The following KLRG1 variants were observed in gnomAD, a reference collection of about 807,000 sequenced individuals.
KLRG1 encodes killer cell lectin-like receptor subfamily G member 1.
KLRG1 carries 16 observed loss-of-function variants against 21.8 expected under a neutral mutation model. The observed-to-expected ratio is 0.73, with a 90% CI of 0.50 to 1.11. KLRG1 has a LOEUF of 1.11. KLRG1 is among the 50% of genes most tolerant of loss of function. The pLI, the probability that KLRG1 is intolerant of heterozygous loss-of-function variation, is 0.00. For missense variants in KLRG1, 173 were observed against 218.3 expected (o/e 0.79, Z 1.31); for synonymous variants, 69 against 75.9 (o/e 0.91, Z 0.47).
the KLRG1 span, among the ~76,000 whole-genome samples, chr12:9,177,221 T>G: frequency 6.6e-6 from 1 of 152,212 alleles, no homozygotes; most frequent in Non-Finnish European, 1.5e-5. Context: ...AGTTTAGCAC[T>G]CTTGGAACGC....
At chr12:9,003,809 C>T (rs1403665841) in intron 3 of KLRG1, among the ~76,000 whole-genome samples, 3 of 151,784 alleles carry the variant, frequency 2.0e-5, no homozygotes, top group African/African-American at 4.8e-5. Context: ...CCCATTAACT[C>T]GTTATTTAGC....
At chr12:9,202,700 T>A in the KLRG1 span, 12 of 1,610,880 alleles carry the variant, frequency 7.4e-6, no homozygotes, top group Non-Finnish European at 1.0e-5. Flanking sequence ...AAGCAAAGGA[T>A]TTTTTACTAC....
intron 1 of KLRG1, among the ~76,000 whole-genome samples, chr12:8,958,594 C>A (rs779552815): frequency 1.3e-5 from 2 of 150,520 alleles, no homozygotes; most frequent in Admixed American, 6.6e-5. Flanking sequence ...TAGTGGCTCA[C>A]GTGTGTAATC....
At chr12:9,101,256 C>T in the KLRG1 span, 2 of 1,523,478 alleles carry the variant, frequency 1.3e-6, no homozygotes, top group East Asian at 4.9e-5. Flanking sequence ...AGAGAACACG[C>T]TTCAGTCTCA....
At chr12:9,187,041 A>G in the KLRG1 span, among the ~76,000 whole-genome samples, 1 of 148,694 alleles carries the variant, frequency 6.7e-6, no homozygotes, top group African/African-American at 2.5e-5. Context: ...TTGCAATACT[A>G]ATTTCAGACA....
the KLRG1 span, among the ~76,000 whole-genome samples, chr12:9,020,340 G>C: frequency 5.3e-5 from 8 of 152,240 alleles, no homozygotes; most frequent in South Asian, 1.7e-3. Flanking sequence ...ACAATCAGCA[G>C]AGTGAATATA....
At chr12:9,183,704 A>T in the KLRG1 span, among the ~76,000 whole-genome samples, 1 of 152,196 alleles carries the variant, frequency 6.6e-6, no homozygotes, top group Non-Finnish European at 1.5e-5. Context: ...TTACTTTTTT[A>T]AAATGATTAT....
the KLRG1 span, among the ~76,000 whole-genome samples, chr12:9,202,869 C>A: frequency 1.3e-5 from 2 of 152,062 alleles, no homozygotes; most frequent in Non-Finnish European, 1.5e-5. Context: ...GTAAGAGTGG[C>A]CATCAATAGA....
the KLRG1 span, among the ~76,000 whole-genome samples, chr12:9,096,710 G>GGTGTGA: frequency 6.6e-6 from 1 of 152,172 alleles, no homozygotes; most frequent in Non-Finnish European, 1.5e-5. Context: ...CAAAGTGAGT[G>GGTGTGA]GTGTGATGAA....
At chr12:9,158,933 A>C in the KLRG1 span, among the ~76,000 whole-genome samples, 1 of 151,590 alleles carries the variant, frequency 6.6e-6, no homozygotes, top group Non-Finnish European at 1.5e-5. Flanking sequence ...CCTTTCCTAG[A>C]TTTCTTAGCT....
At chr12:9,009,354 A>T in intron 4 of KLRG1, 72 bp from the exon 5 acceptor site, 2 of 1,567,844 alleles carry the variant, frequency 1.3e-6, no homozygotes, top group Non-Finnish European at 1.7e-6. Context: ...CTTCATTTTT[A>T]TCCCTTCATG....
At chr12:9,089,267 A>G in the KLRG1 span, 27 of 1,562,452 alleles carry the variant, frequency 1.7e-5, no homozygotes, top group South Asian at 3.5e-5. Context: ...GGTAAAAGAA[A>G]GAAAAGCTAG....
At chr12:9,120,587 G>A in the KLRG1 span, among the ~76,000 whole-genome samples, 10 of 152,082 alleles carry the variant, frequency 6.6e-5, no homozygotes, top group African/African-American at 1.4e-4. Context: ...TACAGTTAGC[G>A]CACATTGTCC....
chr12:9,066,783 C>A, the KLRG1 span: 3 of 152,176 alleles, frequency 2.0e-5, no homozygotes, highest in Non-Finnish European at 4.4e-5. Flanking sequence ...AAAGTCTTTT[C>A]CAGTTCTTAG....
At chr12:9,145,923 C>G in the KLRG1 span, among the ~76,000 whole-genome samples, 3 of 152,142 alleles carry the variant, frequency 2.0e-5, no homozygotes. Context: ...TATCAGGCAT[C>G]TTGTCTATCT....
At chr12:9,083,581 A>G in the KLRG1 span, among the ~76,000 whole-genome samples, 1 of 152,024 alleles carries the variant, frequency 6.6e-6, no homozygotes, top group African/African-American at 2.4e-5. Flanking sequence ...AAGATAGAGT[A>G]TTTGGAATTA....
chr12:9,073,710 C>T, the KLRG1 span, among the ~76,000 whole-genome samples: 2 of 152,142 alleles, frequency 1.3e-5, no homozygotes, highest in African/African-American at 2.4e-5. Flanking sequence ...TGTTCAGATA[C>T]ATGGTTATAT....
chr12:8,963,873 G>A (rs1455640193), intron 1 of KLRG1, among the ~76,000 whole-genome samples: 1 of 152,144 alleles, frequency 6.6e-6, no homozygotes, highest in Non-Finnish European at 1.5e-5. Flanking sequence ...TGTGGGGTCA[G>A]TGGTGATATC....
upstream of KLRG1, among the ~76,000 whole-genome samples, chr12:8,985,940 A>G (rs1946836401): frequency 6.6e-6 from 1 of 152,162 alleles, no homozygotes; most frequent in African/African-American, 2.4e-5. Context: ...AAGGCAGGGG[A>G]AAATTAGAGT....
Sources: gnomAD v4.1 joint callset for allele counts (sites outside exome capture counted in the v4.1 genomes callset) on GRCh38, gnomAD v4.1.1 for gene constraint, MANE v1.5 for transcripts, NCBI Gene and HGNC (gene_info 2026-07-23, HGNC 2026-07-21) for gene names.